Variants in CATSPERD observed in about 807,000 individuals in gnomAD.
The protein encoded by CATSPERD is cation channel sperm-associated auxiliary subunit delta.
A neutral mutation model predicts 98.1 loss-of-function variants in CATSPERD; 86 were observed. That is an observed-to-expected ratio of 0.88 (90% confidence interval 0.74 to 1.05). The LOEUF (loss-of-function observed/expected upper bound fraction) is 1.05. Among genes scored for constraint, CATSPERD ranks in the 50% least tolerant of loss-of-function variants. The pLI, the probability that CATSPERD is intolerant of heterozygous loss-of-function variation, is 0.00. For synonymous variants in CATSPERD, 394 were observed against 390.2 expected (o/e 1.01, Z -0.12); for missense variants, 995 against 1,005.7 (o/e 0.99, Z 0.14).
chr19:5,734,027 G>A, intron 5 of CATSPERD, 57 bp downstream of exon 5: 1 of 1,012,850 alleles, frequency 9.9e-7, no homozygotes. Flanking sequence ...TGAGAGAAGA[G>A]GGTATTAGTG....
Position 5,739,403 on chromosome 19 carries a change from G to C in CATSPERD, c.537G>C (p.Gly179=). 1 of 1,580,340 alleles carries C rather than the reference G, an allele frequency of 6.3e-7. No homozygotes were observed. Among genetic ancestry groups the C allele is most frequent in the Non-Finnish European group, 8.6e-7 (1 of 1,167,424 alleles). The change falls in exon 7 of 22, where the codon GGG becomes GGC. Residue 179 remains glycine (G), a synonymous_variant. Transcript: ENST00000381624. The part of the protein sequence containing the change: ...SQTYIYYSNT[G]GFSFWKYHYD... ...CTTATATATATTATTCAAATACTGG[G>C]GGATTCAGTTTTTGGAAGTATCACT...
intron 11 of CATSPERD, among the ~76,000 whole-genome samples, chr19:5,750,263 A>G (rs1484112431): frequency 5.3e-5 from 8 of 150,072 alleles, no homozygotes; most frequent in Non-Finnish European, 1.0e-4. Flanking sequence ...CCTGGCTAAC[A>G]CGGTGAAACC....
chr19:5,746,168 C>T (rs993522895), intron 9 of CATSPERD, 105 bp downstream of exon 9: 18 of 1,238,866 alleles, frequency 1.5e-5, no homozygotes, highest in East Asian at 4.7e-5. Context: ...CTCGACCACT[C>T]GGTTATTTTT....
chr19:5,724,071 G>A (rs1188705203), intron 1 of CATSPERD, among the ~76,000 whole-genome samples: 1 of 149,940 alleles, frequency 6.7e-6, no homozygotes, highest in African/African-American at 2.5e-5. Flanking sequence ...GGGATTACAG[G>A]TGTGAGCCAC....
intron 4 of CATSPERD, among the ~76,000 whole-genome samples, chr19:5,730,332 C>T (rs1229078569): frequency 6.6e-6 from 1 of 151,648 alleles, no homozygotes; most frequent in Admixed American, 6.6e-5. Flanking sequence ...ATCACAAGGT[C>T]AAGAGACTGA....
intron 10 of CATSPERD, 138 bp downstream of exon 10, chr19:5,748,393 G>A (rs1599549510): frequency 1.4e-6 from 1 of 715,558 alleles, no homozygotes; most frequent in East Asian, 2.9e-5. Flanking sequence ...CACTTTGGGA[G>A]GCCGAGGCGG....
rs546434813 is a variant in CATSPERD, at chr19:5,754,725, G to A, written c.1278+480G>A. Among the ~76,000 whole-genome samples, 3 of 151,834 alleles carry A rather than the reference G, an allele frequency of 2.0e-5. No homozygotes were observed. The South Asian group carries it at 6.2e-4, about 32-fold the overall frequency. On this transcript the variant is annotated intron_variant, in intron 13 of 21. Coordinates refer to ENST00000381624, the MANE Select transcript of CATSPERD (RefSeq NM_152784.4). Reference sequence around the variant, plus strand: ...TTCTATGTGTCTTCCCCCTCGACGTGCCTCTGCATGTCTGGGCGTGATGAG... The same window carrying A: ...TTCTATGTGTCTTCCCCCTCGACGTACCTCTGCATGTCTGGGCGTGATGAG...
chr19:5,750,767 T>C (rs1006452040), intron 11 of CATSPERD, among the ~76,000 whole-genome samples: 1 of 151,914 alleles, frequency 6.6e-6, no homozygotes. Context: ...TACCAAAGGA[T>C]GAATGAAGCT....
At chr19:5,743,581 AGAGT>A (rs778701409) in intron 7 of CATSPERD, among the ~76,000 whole-genome samples, 48 of 148,250 alleles carry the variant, frequency 3.2e-4, no homozygotes, top group Non-Finnish European at 5.3e-4. Context: ...CCTGGGCAAC[AGAGT>A]GAGACTCCAT....
intron 16 of CATSPERD, among the ~76,000 whole-genome samples, chr19:5,764,037 C>G (rs2056493751): frequency 6.7e-6 from 1 of 149,114 alleles, no homozygotes; most frequent in South Asian, 2.1e-4. Flanking sequence ...TTAGAAGAAA[C>G]TGGGTTTTAC....
intron 20 of CATSPERD, 80 bp downstream of exon 20, chr19:5,773,045 C>T (rs2056680255): frequency 1.4e-6 from 2 of 1,399,332 alleles, no homozygotes; most frequent in South Asian, 1.3e-5. Context: ...CACCGTGCGG[C>T]CATGGAACTG....
chr19:5,761,703 CTTT>C (rs572014239), intron 15 of CATSPERD, among the ~76,000 whole-genome samples: 15 of 62,518 alleles, frequency 2.4e-4, no homozygotes, highest in Non-Finnish European at 4.6e-4. Flanking sequence ...ATCATACATT[CTTT>C]TTTTTTTTTT....
chr19:5,730,083 G>A, intron 4 of CATSPERD, 139 bp downstream of exon 4: 1 of 530,832 alleles, frequency 1.9e-6, no homozygotes, highest in Non-Finnish European at 3.3e-6. Context: ...AGACATTAAG[G>A]GCAATTTCTA....
chr19:5,744,599 T>G (rs1313985086), intron 8 of CATSPERD, 89 bp downstream of exon 8: 1 of 890,296 alleles, frequency 1.1e-6, no homozygotes, highest in Admixed American at 2.7e-5. Context: ...AAACATTTAT[T>G]TATTTATTTA....
Position 5,766,096 on chromosome 19 carries a change from T to C in CATSPERD, c.1507-7T>C. On this transcript the variant is annotated splice_region_variant and splice_polypyrimidine_tract_variant and intron_variant, in intron 16 of 21. Transcript: ENST00000381624. Reference sequence around the variant, plus strand: ...TGGGTCCATATTTCTGTCTCTCTCCTCTGCAGTCGACACTGATTTCAGTTG... The same window carrying C: ...TGGGTCCATATTTCTGTCTCTCTCCCCTGCAGTCGACACTGATTTCAGTTG... The C allele has an allele frequency of 6.2e-7, 1 of 1,612,240 alleles. No individual in the cohort carries two copies. The highest frequency in any genetic ancestry group is 8.5e-7 in the Non-Finnish European group (1 of 1,179,022).
chr19:5,775,481 C>CAAAA (rs35784220), intron 20 of CATSPERD, among the ~76,000 whole-genome samples: 1 of 102,808 alleles, frequency 9.7e-6, no homozygotes. Context: ...ACTAAAAATA[C>CAAAA]AAAAAAAAAA....
intron 2 of CATSPERD, among the ~76,000 whole-genome samples, chr19:5,725,769 C>T (rs570093591): frequency 1.3e-5 from 2 of 151,960 alleles, no homozygotes; most frequent in South Asian, 2.1e-4. Flanking sequence ...GGTACGGTGG[C>T]GCATGCCTGT....
At chr19:5,771,192 C>CCG (rs1186025986) in intron 19 of CATSPERD, 120 bp downstream of exon 19, 1 of 1,143,522 alleles carries the variant, frequency 8.7e-7, no homozygotes, top group Admixed American at 2.6e-5. Context: ...ATGATGGTCA[C>CCG]TGTTTCCCAC....
Position 5,737,011 on chromosome 19 carries a change from C to G in CATSPERD, c.392-127C>G, listed in dbSNP as rs1030684252. The G allele has an allele frequency of 7.5e-6, 4 of 531,362 alleles. No individual in the cohort carries two copies. In the Admixed American group the frequency reaches 8.9e-5, roughly 12 times the overall value. 32.9% of individuals were successfully genotyped at this position (531,362 alleles called of 1,614,324 possible). ...GGTGGAGCTTGCAGTGAGCCAGGAT[C>G]ACGCCACTGCACTTCAGCCTGGGCG... is the stretch of plus-strand genomic sequence containing the variant. On this transcript the variant is annotated intron_variant, in intron 5 of 21. Transcript: ENST00000381624.
Sources: gnomAD v4.1 joint callset for allele counts (sites outside exome capture counted in the v4.1 genomes callset) on GRCh38, gnomAD v4.1.1 for gene constraint, MANE v1.5 for transcripts, NCBI Gene and HGNC (gene_info 2026-07-23, HGNC 2026-07-21) for gene names.